WDPCP: variants seen among roughly 807,000 people sequenced by gnomAD.
The protein encoded by WDPCP is WD repeat-containing and planar cell polarity effector protein fritz homolog.
WDPCP carries 71 observed loss-of-function variants against 93.1 expected under a neutral mutation model. That is an observed-to-expected ratio of 0.76 (90% CI 0.63 to 0.93). WDPCP has a LOEUF of 0.93. Ranked by LOEUF, WDPCP falls within the 40% of genes least tolerant of loss-of-function variation. WDPCP has a pLI of 0.00. For synonymous variants in WDPCP, 315 were observed against 315.0 expected, an observed-to-expected ratio of 1.00 and a Z score of 0.00; for missense variants, 844 against 887.4, an observed-to-expected ratio of 0.95 and a Z score of 0.62.
chr2:63,703,441 G>A (rs1669095210), intron 2 of WDPCP, among the ~76,000 whole-genome samples: 1 of 152,182 alleles, frequency 6.6e-6, no homozygotes, highest in East Asian at 1.9e-4. Context: ...GTATCTCATT[G>A]TGGTTTTGAT....
intron 1 of WDPCP, among the ~76,000 whole-genome samples, chr2:63,559,180 T>C (rs545960380): frequency 6.6e-6 from 1 of 152,260 alleles, no homozygotes; most frequent in East Asian, 1.9e-4. Context: ...AAAAACCACA[T>C]GATTATCTCA....
intron 2 of WDPCP, among the ~76,000 whole-genome samples, chr2:63,684,986 G>A (rs1480637345): frequency 3.3e-5 from 5 of 152,000 alleles, no homozygotes; most frequent in African/African-American, 1.2e-4. Context: ...AGTACTAGCA[G>A]GGAAGTTTAT....
intron 3 of WDPCP, chr2:63,597,238 A>T (rs1709331155): frequency 3.1e-6 from 3 of 956,506 alleles, no homozygotes; most frequent in Non-Finnish European, 3.7e-6. Context: ...TATGATTGTT[A>T]AATTAATATA....
chr2:63,486,543 C>G lies in WDPCP; in HGVS notation c.252G>C (p.Glu84Asp). The change falls in exon 4 of 18, where the codon GAG (glutamate) becomes GAC (aspartate). Residue 84 changes from glutamate (E) to aspartate (D), a missense_variant and splice_region_variant. Glu to Asp is a conservative substitution (Grantham distance 45). Coordinates refer to ENST00000272321, the MANE Select transcript of WDPCP (RefSeq NM_015910.7). Reference sequence around the variant, plus strand: ...CCAAAAAATATAAAGTAAGCTTACACTCTGCCAGCTTCTGCTTCTTTTCTA... The same window carrying G: ...CCAAAAAATATAAAGTAAGCTTACAGTCTGCCAGCTTCTGCTTCTTTTCTA... ...GNLEKKQKLA[E>D]SRDYPWTLKN... 6.4e-7 allele frequency: 1 copy of G among 1,571,980 alleles called. No individual in the cohort carries two copies. The highest frequency in any genetic ancestry group is 8.7e-7 in the Non-Finnish European group (1 of 1,155,334).
At chr2:63,262,243 C>A (rs1681695340) in intron 13 of WDPCP, among the ~76,000 whole-genome samples, 2 of 151,800 alleles carry the variant, frequency 1.3e-5, no homozygotes, top group South Asian at 4.2e-4. Context: ...TTATGGAAAG[C>A]AAAAAATATG....
chr2:63,395,098 A>G (rs191074885), intron 10 of WDPCP, among the ~76,000 whole-genome samples: 1 of 152,220 alleles, frequency 6.6e-6, no homozygotes, highest in Non-Finnish European at 1.5e-5. Flanking sequence ...TAACAAAAAA[A>G]TACAGAAATA....
chr2:63,158,974 A>C (rs1341005703), intron 15 of WDPCP, among the ~76,000 whole-genome samples: 2 of 38,362 alleles, frequency 5.2e-5, no homozygotes, highest in African/African-American at 1.8e-4. Flanking sequence ...TCATCTCTAC[A>C]AAAAAAAAAA....
intron 12 of WDPCP, among the ~76,000 whole-genome samples, chr2:63,321,708 A>G (rs1331889020): frequency 6.6e-6 from 1 of 152,146 alleles, no homozygotes; most frequent in East Asian, 1.9e-4. Context: ...CTGTCTTGTT[A>G]TACAGTATAT....
At chr2:63,610,210 A>G (rs557032151) in intron 3 of WDPCP, among the ~76,000 whole-genome samples, 1 of 152,334 alleles carries the variant, frequency 6.6e-6, no homozygotes, top group African/African-American at 2.4e-5. Context: ...GAAATGATAC[A>G]TGGATGCATT....
chr2:63,774,961 C>T (rs1670281427), intron 2 of WDPCP, among the ~76,000 whole-genome samples: 1 of 152,052 alleles, frequency 6.6e-6, no homozygotes, highest in African/African-American at 2.4e-5. Flanking sequence ...GGTTCTTGTC[C>T]CTAACTATAA....
chr2:63,579,520 G>C (rs1290213549), intron 1 of WDPCP, among the ~76,000 whole-genome samples: 2 of 152,112 alleles, frequency 1.3e-5, no homozygotes, highest in Non-Finnish European at 2.9e-5. Context: ...TGAGGCAGGA[G>C]AATCACTTGA....
At chr2:63,646,035 TTTG>T (rs1184389083) in intron 3 of WDPCP, among the ~76,000 whole-genome samples, 5 of 152,256 alleles carry the variant, frequency 3.3e-5, no homozygotes, top group Non-Finnish European at 7.4e-5. Context: ...CTCCTACCAT[TTTG>T]TTATTTGTTT....
intron 2 of WDPCP, among the ~76,000 whole-genome samples, chr2:63,760,594 T>G (rs1670042466): frequency 1.3e-5 from 2 of 151,968 alleles, no homozygotes; most frequent in Non-Finnish European, 2.9e-5. Context: ...CCCCTCCTCC[T>G]AGGGTAGAAC....
intron 14 of WDPCP, among the ~76,000 whole-genome samples, chr2:63,215,323 A>G: frequency 6.6e-6 from 1 of 152,230 alleles, no homozygotes; most frequent in Non-Finnish European, 1.5e-5. Context: ...ACAAGGCTAC[A>G]GTAACCAAAA....
At chr2:63,682,609 G>A (rs1172370058) in intron 2 of WDPCP, among the ~76,000 whole-genome samples, 1 of 152,204 alleles carries the variant, frequency 6.6e-6, no homozygotes, top group Non-Finnish European at 1.5e-5. Context: ...AAGAGATACA[G>A]ATAGAAAGTT....
chr2:63,530,363 C>T (rs1339744934), intron 1 of WDPCP, among the ~76,000 whole-genome samples: 2 of 152,222 alleles, frequency 1.3e-5, no homozygotes, highest in East Asian at 3.8e-4. Flanking sequence ...CTGCTACACA[C>T]TGCTTTAAAT....
chr2:63,589,360 T>TA (rs1709103349), upstream of WDPCP: 2 of 1,550,626 alleles, frequency 1.3e-6, no homozygotes, highest in Non-Finnish European at 8.7e-7. Flanking sequence ...CAAAGGACGT[T>TA]ACGGTGTTTG....
At chr2:63,416,292 C>T (rs1053146927) in intron 9 of WDPCP, among the ~76,000 whole-genome samples, 5 of 151,820 alleles carry the variant, frequency 3.3e-5, no homozygotes, top group South Asian at 2.1e-4. Flanking sequence ...CTCCGCCTCC[C>T]GGGTTCAAGT....
intron 13 of WDPCP, among the ~76,000 whole-genome samples, chr2:63,280,072 G>A (rs1246845161): frequency 6.6e-6 from 1 of 152,034 alleles, no homozygotes; most frequent in African/African-American, 2.4e-5. Context: ...ATCAAAAGCA[G>A]TCTACAAATA....
Sources: allele counts gnomAD v4.1 joint callset (sites outside exome capture counted in the v4.1 genomes callset), GRCh38; gene constraint gnomAD v4.1.1; transcripts MANE v1.5; gene names NCBI Gene and HGNC (gene_info 2026-07-23, HGNC 2026-07-21).